MYO5A: variants seen among roughly 807,000 people sequenced by gnomAD.
MYO5A encodes the protein unconventional myosin-Va.
In MYO5A, 98 loss-of-function variants were observed where a neutral mutation model predicts 249.7. The observed-to-expected ratio is 0.39, with a 90% CI of 0.33 to 0.46. MYO5A has a LOEUF of 0.46. MYO5A is among the 20% of genes least tolerant of loss of function. MYO5A has a pLI of 0.98. For missense variants in MYO5A, 1,696 were observed against 2,308.8 expected, an observed-to-expected ratio of 0.73 and a Z score of 5.44; for synonymous variants, 778 against 810.6, an observed-to-expected ratio of 0.96 and a Z score of 0.68.
chr15:52,425,937 C>T lies in MYO5A; in HGVS notation c.348G>A (p.Leu116=). The T allele has an allele frequency of 6.2e-7, 1 of 1,613,162 alleles. No homozygotes were observed. The highest frequency in any genetic ancestry group is 1.7e-5 in the Admixed American group (1 of 60,020). ...TAATAATATCTTCTCCATAAATAGG[C>T]AGCTGTTCATAGGGATTTATAGCTA... The part of the protein sequence containing the change: ...VLVAINPYEQ[L]PIYGEDIINA... The change falls in exon 4 of 42, where the codon CTG becomes CTA. Residue 116 remains leucine, a synonymous_variant. Transcript: ENST00000399233.
chr15:52,434,442 G>A (rs1394755580), intron 1 of MYO5A, among the ~76,000 whole-genome samples: 2 of 152,164 alleles, frequency 1.3e-5, no homozygotes, highest in African/African-American at 2.4e-5. Context: ...AAACACGGTT[G>A]TTCAGCATTT....
At chr15:52,432,544 A>G (rs531790110) in intron 2 of MYO5A, among the ~76,000 whole-genome samples, 1 of 152,308 alleles carries the variant, frequency 6.6e-6, no homozygotes, top group East Asian at 1.9e-4. Flanking sequence ...ACCTTGAGCA[A>G]AACTACTTAA....
intron 40 of MYO5A, among the ~76,000 whole-genome samples, chr15:52,315,392 G>A (rs1174613919): frequency 1.4e-5 from 2 of 147,838 alleles, no homozygotes; most frequent in Non-Finnish European, 2.9e-5. Flanking sequence ...ATTGTCTACT[G>A]ATTGACTTTT....
At chr15:52,395,216 A>G (rs991612621) in intron 11 of MYO5A, among the ~76,000 whole-genome samples, 1 of 152,174 alleles carries the variant, frequency 6.6e-6, no homozygotes, top group African/African-American at 2.4e-5. Flanking sequence ...ATTTATCACT[A>G]TGAAACACCT....
Position 52,416,075 on chromosome 15 carries a change from T to A in MYO5A, c.612+70A>T, listed in dbSNP as rs2043468358. 6 of 1,557,882 alleles carry A rather than the reference T, an allele frequency of 3.9e-6. No individual in the cohort carries two copies. In the South Asian group the frequency reaches 4.5e-5, roughly 12 times the overall value. The stretch of plus-strand genomic sequence containing the variant: ...CCCAGGCTTTCTGAGACATGCTGTA[T>A]CAATCAATTTTTTGAGCATGTTTCT... On this transcript the variant is annotated intron_variant, in intron 5 of 41. Coordinates refer to ENST00000399233, the MANE Select transcript of MYO5A (RefSeq NM_001382347.1).
chr15:52,359,775 G>T (rs2040425873), intron 25 of MYO5A, among the ~76,000 whole-genome samples, 193 bp downstream of exon 25: 1 of 152,092 alleles, frequency 6.6e-6, no homozygotes, highest in South Asian at 2.1e-4. Flanking sequence ...AATGCAATAG[G>T]TATGTATGTA....
chr15:52,478,137 GCCA>G (rs996680363), intron 1 of MYO5A, among the ~76,000 whole-genome samples: 8 of 152,366 alleles, frequency 5.3e-5, no homozygotes, highest in African/African-American at 1.9e-4. Flanking sequence ...CAGCCTCGCT[GCCA>G]CCTTGCAGTT....
intron 24 of MYO5A, among the ~76,000 whole-genome samples, chr15:52,362,887 T>C (rs2040605273): frequency 1.3e-5 from 2 of 152,212 alleles, no homozygotes; most frequent in East Asian, 1.9e-4. Flanking sequence ...CAGAGAGGGA[T>C]ACATGTATGG....
chr15:52,429,732 T>G (rs1166987587), intron 2 of MYO5A, among the ~76,000 whole-genome samples: 2 of 151,892 alleles, frequency 1.3e-5, no homozygotes, highest in Non-Finnish European at 1.5e-5. Context: ...AAACGACATT[T>G]TAATAGGGTT....
At chr15:52,470,171 C>T (rs954339179) in intron 1 of MYO5A, among the ~76,000 whole-genome samples, 1 of 152,172 alleles carries the variant, frequency 6.6e-6, no homozygotes, top group Non-Finnish European at 1.5e-5. Context: ...TCTTCCATAG[C>T]ATTGACAATT....
chr15:52,336,364 T>G, intron 34 of MYO5A, 99 bp downstream of exon 34: 5 of 755,584 alleles, frequency 6.6e-6, no homozygotes, highest in South Asian at 4.8e-5. Context: ...TCCCTAATAT[T>G]TGCATGCAAA....
At chr15:52,461,790 G>A (rs140944557) in intron 1 of MYO5A, among the ~76,000 whole-genome samples, 16 of 151,890 alleles carry the variant, frequency 1.1e-4, no homozygotes, top group African/African-American at 2.7e-4. Context: ...GTGAAACCCC[G>A]TCTCTACTAC....
chr15:52,413,134 C>T (rs1001432360), intron 5 of MYO5A, among the ~76,000 whole-genome samples: 1 of 127,430 alleles, frequency 7.8e-6, no homozygotes, highest in African/African-American at 3.0e-5. Flanking sequence ...ACAACAAGAG[C>T]GAAACTCTGT....
intron 13 of MYO5A, among the ~76,000 whole-genome samples, chr15:52,388,419 T>C (rs866935365): frequency 2.0e-5 from 3 of 152,212 alleles, no homozygotes; most frequent in African/African-American, 7.2e-5. Context: ...TACTTGAGAA[T>C]GGACTATTTC....
chr15:52,480,016 GA>G (rs2076683024), intron 1 of MYO5A, among the ~76,000 whole-genome samples: 1 of 152,194 alleles, frequency 6.6e-6, no homozygotes, highest in South Asian at 2.1e-4. Flanking sequence ...AGAGGTCTCT[GA>G]ACGTGACTGA....
intron 9 of MYO5A, among the ~76,000 whole-genome samples, 179 bp from the exon 10 acceptor site, chr15:52,397,645 G>A (rs1252317181): frequency 2.6e-5 from 4 of 152,156 alleles, no homozygotes; most frequent in African/African-American, 9.7e-5. Context: ...CTGGCATCCA[G>A]GCAGCATTTT....
At chr15:52,484,598 A>C (rs557045284) in intron 1 of MYO5A, among the ~76,000 whole-genome samples, 1 of 152,318 alleles carries the variant, frequency 6.6e-6, no homozygotes, top group East Asian at 1.9e-4. Flanking sequence ...AAAGAATCAA[A>C]AATTGCAGGT....
chr15:52,463,294 G>C (rs1461076280), intron 1 of MYO5A, among the ~76,000 whole-genome samples: 2 of 152,202 alleles, frequency 1.3e-5, no homozygotes, highest in East Asian at 3.9e-4. Context: ...GACTTCTCTA[G>C]AAATAAGAAT....
At chr15:52,327,760 C>A (rs1247227364) in intron 36 of MYO5A, 92 bp downstream of exon 36, 13 of 1,323,578 alleles carry the variant, frequency 9.8e-6, no homozygotes, top group African/African-American at 1.5e-5. Context: ...TAACAAGCAA[C>A]TTAGCTAAAC....
Sources: allele counts gnomAD v4.1 joint callset (sites outside exome capture counted in the v4.1 genomes callset), GRCh38; gene constraint gnomAD v4.1.1; transcripts MANE v1.5; gene names NCBI Gene and HGNC (gene_info 2026-07-23, HGNC 2026-07-21).